Variants in PCDHGA9 observed in about 807,000 individuals in gnomAD.
PCDHGA9 encodes protocadherin gamma-A9.
In PCDHGA9, 37 loss-of-function variants were observed where a neutral mutation model predicts 62.5. The ratio of observed to expected loss-of-function variants is 0.59; its 90% CI spans 0.46 to 0.78. The LOEUF is 0.78. Among genes scored for constraint, PCDHGA9 ranks in the 30% least tolerant of loss-of-function variants. PCDHGA9 has a pLI of 0.00. For synonymous variants in PCDHGA9, 459 were observed against 484.6 expected, an observed-to-expected ratio of 0.95 and a Z score of 0.69; for missense variants, 1,138 against 1,166.2, an observed-to-expected ratio of 0.98 and a Z score of 0.35.
chr5:141,410,311 C>T lies in PCDHGA9; in HGVS notation c.2424+4935C>T, dbSNP rs867067555. On this transcript the variant is annotated intron_variant, in intron 1 of 3. Coordinates refer to ENST00000573521, the MANE Select transcript of PCDHGA9 (RefSeq NM_018921.3). ...CCTTGGCCTTAATCTCAGTGCTCTT[C>T]CTCCTCGCCGTGATTCTGGCCATTG... 4 of 1,613,936 alleles carry T rather than the reference C, an allele frequency of 2.5e-6. No homozygotes were observed. In the African/African-American group the frequency reaches 5.3e-5, roughly 22 times the overall value.
chr5:141,478,612 G>A (rs1311028260), intron 1 of PCDHGA9: 2 of 1,558,218 alleles, frequency 1.3e-6, no homozygotes, highest in African/African-American at 1.4e-5. Flanking sequence ...TATTGAGGAA[G>A]GAATGGAGCT....
chr5:141,445,890 T>C (rs1435563284), intron 1 of PCDHGA9, among the ~76,000 whole-genome samples: 1 of 152,210 alleles, frequency 6.6e-6, no homozygotes, highest in Non-Finnish European at 1.5e-5. Context: ...ACTTAGGAGC[T>C]ATTAAAATAT....
chr5:141,490,402 G>A lies in PCDHGA9; in HGVS notation c.2425-4405G>A. On this transcript the variant is annotated intron_variant, in intron 1 of 3. Coordinates refer to ENST00000573521, the MANE Select transcript of PCDHGA9 (RefSeq NM_018921.3). This position sits in a 1 kb window ranked among gnomAD's most constrained non-coding sequence, Gnocchi z 5.4. The stretch of plus-strand genomic sequence containing the variant: ...AGGTAGAAATGGTGAAGTGAGCCTT[G>A]ATATCTCTCCGGACCTGCCATTTCA... 6.2e-7 allele frequency: 1 copy of A among 1,614,182 alleles called. No homozygotes were observed. The highest frequency in any genetic ancestry group is 8.5e-7 in the Non-Finnish European group (1 of 1,180,024).
chr5:141,421,353 G>T, intron 1 of PCDHGA9: 1 of 1,613,998 alleles, frequency 6.2e-7, no homozygotes, highest in Non-Finnish European at 8.5e-7. Context: ...AGACCGAAAA[G>T]GGCTCCTTCG....
At chr5:141,505,564 G>GGATGTCAAACCTGTGTAGTTTCTCCA in intron 3 of PCDHGA9, 83 bp downstream of exon 3, 1 of 1,603,196 alleles carries the variant, frequency 6.2e-7, no homozygotes, top group Non-Finnish European at 8.5e-7. Context: ...CCCACGGACT[G>GGATGTCAAACCTGTGTAGTTTCTCCA]GATGTCAAAC....
chr5:141,491,071 C>T lies in PCDHGA9; in HGVS notation c.2425-3736C>T, dbSNP rs987564933. 1 of 1,614,152 alleles carries T rather than the reference C, an allele frequency of 6.2e-7. No individual in the cohort carries two copies. Among genetic ancestry groups the T allele is most frequent in the Non-Finnish European group, 8.5e-7 (1 of 1,180,028 alleles). ...TGCGTGGCTCTCCTACTCACTGTTGCCACAGTCCACAGCCCCAGGACTGTT... is the reference window on the plus strand; with the variant it reads ...TGCGTGGCTCTCCTACTCACTGTTGTCACAGTCCACAGCCCCAGGACTGTT... On this transcript the variant is annotated intron_variant, in intron 1 of 3. Transcript: ENST00000573521. This position sits in a 1 kb window ranked among gnomAD's most constrained non-coding sequence, Gnocchi z 6.9.
intron 1 of PCDHGA9, among the ~76,000 whole-genome samples, chr5:141,448,434 G>A (rs2098588755): frequency 1.3e-5 from 2 of 152,052 alleles, no homozygotes; most frequent in Non-Finnish European, 2.9e-5. Context: ...TATATATTGA[G>A]AAGTCTGACT....
chr5:141,478,049 A>G, intron 1 of PCDHGA9: 2 of 1,614,056 alleles, frequency 1.2e-6, no homozygotes, highest in Middle Eastern at 3.3e-4. Flanking sequence ...GCAGACTCTC[A>G]CGGTCTTGAT....
At chr5:141,496,928 G>A (rs2099772685) in intron 2 of PCDHGA9, among the ~76,000 whole-genome samples, 1 of 151,334 alleles carries the variant, frequency 6.6e-6, no homozygotes, top group Non-Finnish European at 1.5e-5. Context: ...GTTCACGCCT[G>A]TAATCCCAGC....
intron 1 of PCDHGA9, chr5:141,421,690 C>T: frequency 6.2e-7 from 1 of 1,613,948 alleles, no homozygotes. Context: ...GCGATTTGCT[C>T]TTCCTAATGC....
intron 1 of PCDHGA9, chr5:141,409,152 T>C: frequency 6.2e-7 from 1 of 1,613,988 alleles, no homozygotes; most frequent in Non-Finnish European, 8.5e-7. Context: ...AGGTACACCA[T>C]GGAAGTGGAA....
Position 141,476,461 on chromosome 5 carries a change from G to T in PCDHGA9, c.2425-18346G>T. On this transcript the variant is annotated intron_variant, in intron 1 of 3. Transcript: ENST00000573521. This position sits in a 1 kb window ranked among gnomAD's most constrained non-coding sequence, Gnocchi z 7.6. The stretch of plus-strand genomic sequence containing the variant: ...CTCTGGAGTTGGTAGTGGAGAACCC[G>T]CTGGAGCTGTTCAGCGTGGAAGTGG... The T allele has an allele frequency of 6.2e-7, 1 of 1,614,122 alleles. No homozygotes were observed. Among genetic ancestry groups the T allele is most frequent in the Non-Finnish European group, 8.5e-7 (1 of 1,180,022 alleles).
At chr5:141,420,420 CAA>C (rs1462714732) in intron 1 of PCDHGA9, 2 of 1,201,950 alleles carry the variant, frequency 1.7e-6, no homozygotes, top group African/African-American at 3.2e-5. Context: ...ATTATTAAAA[CAA>C]AAGTTTAAAT....
intron 1 of PCDHGA9, chr5:141,419,559 T>C: frequency 6.2e-7 from 1 of 1,611,930 alleles, no homozygotes. Context: ...TACCCTGCGC[T>C]GGGTCCCGAC....
At chr5:141,497,013 A>G (rs2099773320) in intron 2 of PCDHGA9, among the ~76,000 whole-genome samples, 1 of 151,990 alleles carries the variant, frequency 6.6e-6, no homozygotes, top group Admixed American at 6.6e-5. Context: ...ACATGGTGAA[A>G]CCCCATCTCG....
At chr5:141,418,665 A>T in intron 1 of PCDHGA9, 1 of 1,614,070 alleles carries the variant, frequency 6.2e-7, no homozygotes, top group Non-Finnish European at 8.5e-7. Context: ...GCCACTGACC[A>T]GGACGAGGGC....
chr5:141,484,530 A>G (rs1406516272), intron 1 of PCDHGA9, among the ~76,000 whole-genome samples: 1 of 152,200 alleles, frequency 6.6e-6, no homozygotes, highest in East Asian at 1.9e-4. Context: ...TTTTGAGTAT[A>G]TGGCAGTGGT....
chr5:141,478,137 G>A (rs762316494), intron 1 of PCDHGA9: 13 of 1,613,872 alleles, frequency 8.1e-6, no homozygotes, highest in African/African-American at 8.0e-5. Context: ...CCTGAAGCCC[G>A]AGCCGAGTTC....
intron 1 of PCDHGA9, chr5:141,419,330 C>T: frequency 1.2e-6 from 2 of 1,613,956 alleles, no homozygotes; most frequent in South Asian, 1.1e-5. Flanking sequence ...CTCCTACTCT[C>T]TCATTGCCAG....
Sources: allele counts gnomAD v4.1 joint callset (sites outside exome capture counted in the v4.1 genomes callset), GRCh38; gene constraint gnomAD v4.1.1; non-coding constraint Gnocchi (gnomAD v3.1); transcripts MANE v1.5; gene names NCBI Gene and HGNC (gene_info 2026-07-23, HGNC 2026-07-21).